The following TDRD7 variants were observed in gnomAD, a reference collection of about 807,000 sequenced individuals.
The protein encoded by TDRD7 is tudor domain-containing protein 7.
In TDRD7, 47 loss-of-function variants were observed where a neutral mutation model predicts 109.8. The ratio of observed to expected loss-of-function variants is 0.43; its 90% confidence interval spans 0.34 to 0.55. TDRD7 has a LOEUF of 0.55. Among genes scored for constraint, TDRD7 ranks in the 20% least tolerant of loss-of-function variants. The probability of loss-of-function intolerance (pLI) is 0.03; values close to 1 mark genes in which losing one functional copy is unlikely to be tolerated. For missense variants in TDRD7, 1,164 were observed against 1,319.2 expected (o/e 0.88, Z 1.82); for synonymous variants, 424 against 457.3 (o/e 0.93, Z 0.93).
At chr9:97,417,759 A>G (rs758281398) in intron 1 of TDRD7, among the ~76,000 whole-genome samples, 3 of 152,216 alleles carry the variant, frequency 2.0e-5, no homozygotes, top group African/African-American at 4.8e-5. Flanking sequence ...AAATATATCA[A>G]TGGCCAGGTG....
chr9:97,448,608 TG>T (rs1333342044), intron 6 of TDRD7, among the ~76,000 whole-genome samples: 2 of 152,178 alleles, frequency 1.3e-5, no homozygotes, highest in African/African-American at 4.8e-5. Context: ...AGTTTTAAAA[TG>T]GGATTATTTT....
chr9:97,470,717 C>G (rs770459635), intron 9 of TDRD7, 48 bp downstream of exon 9: 5 of 1,387,688 alleles, frequency 3.6e-6, no homozygotes, highest in Non-Finnish European at 5.1e-6. Flanking sequence ...TAGGCTATTA[C>G]CACTGTACAT....
intron 6 of TDRD7, among the ~76,000 whole-genome samples, chr9:97,451,209 G>A (rs1050773205): frequency 2.0e-5 from 3 of 152,018 alleles, no homozygotes; most frequent in Admixed American, 6.6e-5. Flanking sequence ...CACTCCTTCC[G>A]GCATACGTCA....
intron 8 of TDRD7, among the ~76,000 whole-genome samples, chr9:97,467,812 G>A (rs1828844147): frequency 6.6e-6 from 1 of 152,222 alleles, no homozygotes; most frequent in Non-Finnish European, 1.5e-5. Flanking sequence ...TTAGGTGGCT[G>A]TTGTAATAGC....
intron 12 of TDRD7, among the ~76,000 whole-genome samples, chr9:97,478,237 G>A (rs1488386705): frequency 6.6e-6 from 1 of 151,946 alleles, no homozygotes; most frequent in African/African-American, 2.4e-5. Flanking sequence ...CTCCAGCCTG[G>A]GTGACAGATC....
intron 1 of TDRD7, among the ~76,000 whole-genome samples, chr9:97,428,033 C>T (rs1254965268): frequency 6.6e-6 from 1 of 152,142 alleles, no homozygotes; most frequent in Admixed American, 6.5e-5. Context: ...TGTTCAGTCA[C>T]GTCCAGCCAC....
At position 97,495,958 on chromosome 9, in the gene TDRD7, C is replaced by T; in HGVS notation, c.*75C>T. 2.6e-6 allele frequency: 3 copies of T among 1,156,072 alleles called. No homozygotes were observed. The highest frequency in any genetic ancestry group is 3.9e-6 in the Non-Finnish European group (3 of 769,708). 71.6% of individuals were successfully genotyped at this position (1,156,072 alleles called of 1,614,324 possible). A position where few individuals can be genotyped will look rare whatever the true frequency, so the allele number is the denominator to read the frequency against. On this transcript the variant is annotated 3_prime_UTR_variant, in exon 17 of 17. Transcript: ENST00000355295. ...AAAATGTAGTAGGCTTAAAAAAAATCTTAACTCTGCTACATGGCTCTGACT... is the reference window on the plus strand; with the variant it reads ...AAAATGTAGTAGGCTTAAAAAAAATTTTAACTCTGCTACATGGCTCTGACT...
chr9:97,444,230 C>T (rs1269203238), intron 6 of TDRD7, among the ~76,000 whole-genome samples: 1 of 152,138 alleles, frequency 6.6e-6, no homozygotes, highest in Non-Finnish European at 1.5e-5. Context: ...AGCAGAAACA[C>T]AATATAACTT....
Position 97,431,015 on chromosome 9 carries a change from C to T in TDRD7, c.290C>T (p.Thr97Ile). 6.2e-7 allele frequency: 1 copy of T among 1,613,804 alleles called. No homozygotes were observed. Among genetic ancestry groups the T allele is most frequent in the South Asian group, 1.1e-5 (1 of 91,078 alleles). Reference sequence around the variant, plus strand: ...CGTCAAAGGAGTTCTAAAAGGAAAACCGGGCGTCAAGTTAATTGTCAGATG... The same window carrying T: ...CGTCAAAGGAGTTCTAAAAGGAAAATCGGGCGTCAAGTTAATTGTCAGATG... The part of the protein sequence containing the change: ...VARQRSSKRK[T>I]GRQVNCQMRV... The change falls in exon 3 of 17, where the codon ACC becomes ATC. Residue 97 changes from threonine to isoleucine, a missense_variant. This residue lies in a region of TDRD7 where 101 missense variants were observed against 148.5 expected (regional missense o/e 0.68). Coordinates refer to ENST00000355295, the MANE Select transcript of TDRD7 (RefSeq NM_014290.3).
At position 97,472,348 on chromosome 9, in the gene TDRD7, T is replaced by C; in HGVS notation, c.1797T>C (p.Thr599=). Residue 599 remains threonine (T), a synonymous_variant, in exon 10 of 17, where the codon ACT becomes ACC. Coordinates refer to ENST00000355295, the MANE Select transcript of TDRD7 (RefSeq NM_014290.3). ...PDLVKVVESL[T]CGKIFAVEIL... ...TAGTGAAGGTGGTTGAATCTTTAAC[T>C]TGTGGAAAGATCTTTGCAGTGGAAA... The C allele has an allele frequency of 6.2e-7, 1 of 1,614,038 alleles. No individual in the cohort carries two copies. The highest frequency in any genetic ancestry group is 8.5e-7 in the Non-Finnish European group (1 of 1,179,912).
intron 1 of TDRD7, among the ~76,000 whole-genome samples, chr9:97,417,721 C>A (rs1827834191): frequency 6.6e-6 from 1 of 152,216 alleles, no homozygotes; most frequent in African/African-American, 2.4e-5. Flanking sequence ...CTTCTGCAAT[C>A]CCCTGCCCTT....
intron 2 of TDRD7, 90 bp downstream of exon 2, chr9:97,428,762 T>C (rs1236368966): frequency 3.0e-5 from 36 of 1,206,192 alleles, no homozygotes; most frequent in Non-Finnish European, 3.9e-5. Flanking sequence ...GATAGACGTC[T>C]AAGTGAAAGT....
At chr9:97,464,149 T>G (rs1427506567) in intron 7 of TDRD7, among the ~76,000 whole-genome samples, 1 of 152,196 alleles carries the variant, frequency 6.6e-6, no homozygotes, top group Non-Finnish European at 1.5e-5. Context: ...TTCTCTGGCC[T>G]CCAGGCCTCC....
At chr9:97,458,191 A>G (rs969266944) in intron 6 of TDRD7, among the ~76,000 whole-genome samples, 3 of 152,194 alleles carry the variant, frequency 2.0e-5, no homozygotes, top group Non-Finnish European at 4.4e-5. Flanking sequence ...ATAAGTACAC[A>G]CTATGATATT....
At chr9:97,430,217 A>G (rs936108661) in intron 2 of TDRD7, among the ~76,000 whole-genome samples, 1 of 152,064 alleles carries the variant, frequency 6.6e-6, no homozygotes, top group African/African-American at 2.4e-5. Flanking sequence ...TTTTTTCTTT[A>G]AAGATACAGA....
chr9:97,490,549 TG>T (rs35717478), intron 16 of TDRD7, among the ~76,000 whole-genome samples: 2,265 of 109,804 alleles, frequency 0.021, 51 homozygotes, highest in East Asian at 0.078. Context: ...TATATTTTGG[TG>T]GGGGGGGGGG....
At chr9:97,458,527 G>A (rs1828658434) in intron 6 of TDRD7, among the ~76,000 whole-genome samples, 1 of 152,060 alleles carries the variant, frequency 6.6e-6, no homozygotes, top group South Asian at 2.1e-4. Context: ...TTAAAATGAG[G>A]GACATAAACT....
chr9:97,432,265 T>C, intron 4 of TDRD7, 27 bp downstream of exon 4: 6 of 1,595,700 alleles, frequency 3.8e-6, no homozygotes, highest in Non-Finnish European at 5.2e-6. Flanking sequence ...TCACAGAAGT[T>C]TGGTGAATCT....
chr9:97,425,115 C>T (rs1381316836), intron 1 of TDRD7, among the ~76,000 whole-genome samples: 1 of 152,040 alleles, frequency 6.6e-6, no homozygotes, highest in Non-Finnish European at 1.5e-5. Context: ...ATGTACCCCA[C>T]ATGAGGGAAT....
Sources: allele counts gnomAD v4.1 joint callset (sites outside exome capture counted in the v4.1 genomes callset), GRCh38; gene constraint gnomAD v4.1.1; regional missense constraint gnomAD v4.1.1; transcripts MANE v1.5; gene names NCBI Gene and HGNC (gene_info 2026-07-23, HGNC 2026-07-21).